Variants in TSC22D2 observed in about 807,000 individuals in gnomAD.
TSC22D2 encodes TSC22 domain family member 2.
Under a neutral mutation model 50.1 loss-of-function variants are expected in TSC22D2, and 5 were observed. That is an observed-to-expected ratio of 0.10 (90% CI 0.05 to 0.21). The LOEUF (loss-of-function observed/expected upper bound fraction) is 0.21. Ranked by LOEUF, TSC22D2 falls within the 10% of genes least tolerant of loss-of-function variation. The pLI is 1.00. For missense variants in TSC22D2, 1,003 were observed against 1,015.5 expected (o/e 0.99, Z 0.17); for synonymous variants, 501 against 450.1 (o/e 1.11, Z -1.43).
intron 1 of TSC22D2, 106 bp from the exon 2 acceptor site, chr3:150,456,970 C>T: frequency 1.1e-6 from 1 of 898,766 alleles, no homozygotes. Context: ...TTTTAAATTA[C>T]TGTATATTTG....
intron 1 of TSC22D2, among the ~76,000 whole-genome samples, chr3:150,449,730 G>C (rs1180982916): frequency 6.6e-6 from 1 of 152,074 alleles, no homozygotes; most frequent in Non-Finnish European, 1.5e-5. Flanking sequence ...TAAATTCCAA[G>C]ATGAATGATT....
At position 150,465,622 on chromosome 3, in the gene TSC22D2, C is replaced by T. The variant is rs753228433; in HGVS notation, c.*6986C>T. On this transcript the variant is annotated 3_prime_UTR_variant, in exon 3 of 3. Coordinates refer to ENST00000688009, the MANE Select transcript of TSC22D2 (RefSeq NM_001303264.2). ...GATGTCAATTGCACCTTTGCTTGTA[C>T]AGTAGACCCCCTTATCTGCATTTTC... 8 of 152,172 alleles carry T rather than the reference C, an allele frequency of 5.3e-5. No homozygotes were observed. The highest frequency in any genetic ancestry group is 9.7e-5 in the African/African-American group (4 of 41,448). 9.4% of individuals were successfully genotyped at this position (152,172 alleles called of 1,614,324 possible).
rs1719467837 is a variant in TSC22D2 at position 150,410,168 on chromosome 3, A to G, written c.818A>G (p.Gln273Arg). 1 of 1,609,738 alleles carries G rather than the reference A, an allele frequency of 6.2e-7. No individual in the cohort carries two copies. The highest frequency in any genetic ancestry group is 8.5e-7 in the Non-Finnish European group (1 of 1,178,874). ...CAGCCGCAGAGTTTTAGCGTTGGGC[A>G]GCCACAGCCGCCGCCGCCACCCGTA... Reference protein sequence around the residue: ...PAQPQSFSVGQPQPPPPPVGG... With the variant: ...PAQPQSFSVGRPQPPPPPVGG... Residue 273 changes from glutamine (Q) to arginine (R), a missense_variant, in exon 1 of 3, where the codon CAG becomes CGG. By Grantham distance (43) the Gln-to-Arg change is conservative. Coordinates refer to ENST00000688009, the MANE Select transcript of TSC22D2 (RefSeq NM_001303264.2).
intron 1 of TSC22D2, among the ~76,000 whole-genome samples, chr3:150,440,005 T>C (rs1720666234): frequency 6.6e-6 from 1 of 152,236 alleles, no homozygotes; most frequent in Admixed American, 6.5e-5. Context: ...GGCACTGTGC[T>C]GAATATTTTT....
chr3:150,445,182 C>T (rs1487118322), intron 1 of TSC22D2, among the ~76,000 whole-genome samples: 1 of 151,726 alleles, frequency 6.6e-6, no homozygotes, highest in Non-Finnish European at 1.5e-5. Context: ...TATTAATGTC[C>T]AGTCCACGGG....
Position 150,409,539 on chromosome 3 carries a change from C to G in TSC22D2, c.189C>G (p.Cys63Trp). ...CGGATTATGGCCCTGAGGAGGTCTG[C>G]GAGCGCAGCTCTTCCGAAGAGACGC... ...RATDYGPEEV[C>W]ERSSSEETLN... Residue 63 changes from cysteine to tryptophan, a missense_variant, in exon 1 of 3, where the codon TGC becomes TGG. Around this residue, in one of 6 missense-constraint regions of TSC22D2, gnomAD observed 200 missense variants for 182.8 expected, o/e 1.09. Transcript: ENST00000688009. This position sits in a 1 kb window ranked among gnomAD's most constrained non-coding sequence, Gnocchi z 7.4. The G allele has an allele frequency of 1.9e-6, 3 of 1,606,204 alleles. No homozygotes were observed. Among genetic ancestry groups the G allele is most frequent in the Non-Finnish European group, 2.6e-6 (3 of 1,173,982 alleles).
chr3:150,458,242 T>G, intron 2 of TSC22D2, 134 bp from the exon 3 acceptor site: 2 of 933,744 alleles, frequency 2.1e-6, no homozygotes, highest in Non-Finnish European at 1.6e-6. Flanking sequence ...ATAGGCTCGG[T>G]CAAGATAAAG....
At chr3:150,411,634 C>T (rs1719575561) in intron 1 of TSC22D2, among the ~76,000 whole-genome samples, 1 of 151,772 alleles carries the variant, frequency 6.6e-6, no homozygotes, top group Admixed American at 6.6e-5. Context: ...CCTTTTCTTA[C>T]ATATCAATCA....
intron 1 of TSC22D2, among the ~76,000 whole-genome samples, chr3:150,412,550 CACTG>C (rs908685078): frequency 1.6e-4 from 24 of 152,198 alleles, no homozygotes; most frequent in African/African-American, 5.8e-4. Flanking sequence ...GAAAAATACT[CACTG>C]ACTGAAATTC....
chr3:150,423,366 G>T (rs144848528), intron 1 of TSC22D2: 10 of 253,132 alleles, frequency 4.0e-5, no homozygotes, highest in Admixed American at 1.1e-4. Context: ...TTCATACTGT[G>T]TTGAATTTTT....
chr3:150,454,373 G>A (rs1389102613), intron 1 of TSC22D2, among the ~76,000 whole-genome samples: 1 of 152,222 alleles, frequency 6.6e-6, no homozygotes, highest in African/African-American at 2.4e-5. Flanking sequence ...AAAACAGACT[G>A]TATAAGGCAG....
At position 150,410,636 on chromosome 3, in the gene TSC22D2, C is replaced by G. The variant is rs753049902; in HGVS notation, c.1286C>G (p.Ala429Gly). 6.4e-7 allele frequency: 1 copy of G among 1,553,088 alleles called. No homozygotes were observed. Among genetic ancestry groups the G allele is most frequent in the Non-Finnish European group, 8.7e-7 (1 of 1,151,614 alleles). ...ASSVGAQLMG[A>G]SSQPSEAMAP... Reference sequence around the variant, plus strand: ...TCGGTGGGCGCGCAGCTCATGGGCGCGTCTTCCCAGCCCAGCGAAGCCATG... The same window carrying G: ...TCGGTGGGCGCGCAGCTCATGGGCGGGTCTTCCCAGCCCAGCGAAGCCATG... The change falls in exon 1 of 3, where the codon GCG becomes GGG. Residue 429 changes from alanine to glycine, a missense_variant. This residue lies in a region of TSC22D2 where 696 missense variants were observed against 647.8 expected (regional missense o/e 1.07). Transcript: ENST00000688009.
Position 150,462,626 on chromosome 3 carries a change from TTTTTTCTTTTTTC to T in TSC22D2, c.*3996_*4008del, listed in dbSNP as rs1240417902. On this transcript the variant is annotated 3_prime_UTR_variant, in exon 3 of 3. Coordinates refer to ENST00000688009, the MANE Select transcript of TSC22D2 (RefSeq NM_001303264.2). ...GTCAGGTATCAGGTGCCTATTTTCTTTTTTTCTTTTTTCTTTTTTTTTTTTTTTGAGACAGAGT... is the reference window on the plus strand; with the variant it reads ...GTCAGGTATCAGGTGCCTATTTTCTTTTTTTTTTTTTTTTTGAGACAGAGT... 2.1e-5 allele frequency: 2 copies of T among 93,454 alleles called. No homozygotes were observed. Among genetic ancestry groups the T allele is most frequent in the South Asian group, 4.7e-4 (1 of 2,108 alleles). The allele number at this position is 93,454 out of a possible 1,614,324, so 5.8% of individuals were successfully genotyped here.
Position 150,409,703 on chromosome 3 carries a change from C to G in TSC22D2, c.353C>G (p.Ala118Gly), listed in dbSNP as rs778393786. The change falls in exon 1 of 3, where the codon GCC becomes GGC. Residue 118 changes from alanine (A) to glycine (G), a missense_variant. Around this residue, in one of 6 missense-constraint regions of TSC22D2, gnomAD observed 200 missense variants for 182.8 expected, o/e 1.09. Transcript: ENST00000688009. This position sits in a 1 kb window ranked among gnomAD's most constrained non-coding sequence, Gnocchi z 7.4. ...GCCCGGAGCGTGTCTGGGGCGCTCG[C>G]CAGTACCCTGGCGGCGGCTGCCACT... ...VSARSVSGAL[A>G]STLAAAATSA... is the part of the protein sequence containing the mutation. 2 of 1,590,966 alleles carry G rather than the reference C, an allele frequency of 1.3e-6. No homozygotes were observed. The highest frequency in any genetic ancestry group is 3.4e-5 in the Admixed American group (2 of 58,006).
At chr3:150,415,376 G>A (rs1316077238) in intron 1 of TSC22D2, among the ~76,000 whole-genome samples, 1 of 152,140 alleles carries the variant, frequency 6.6e-6, no homozygotes, top group African/African-American at 2.4e-5. Context: ...GACTATTTTA[G>A]TAACACTTGT....
rs569883253 is a variant in TSC22D2 at position 150,444,204 on chromosome 3, G to A, written c.1959-12872G>A. Among the ~76,000 whole-genome samples, 352 of 148,302 alleles carry A rather than the reference G, an allele frequency of 2.4e-3. 1 individual carries two copies. Among genetic ancestry groups the A allele is most frequent in the African/African-American group, 8.1e-3 (334 of 41,302 alleles). On this transcript the variant is annotated intron_variant, in intron 1 of 2. Transcript: ENST00000688009. ...TGCCCATATTTTACTGTGTTCCAGC[G>A]ATACCCTTAATTAGTTTCTAATAGT...
intron 1 of TSC22D2, among the ~76,000 whole-genome samples, chr3:150,414,367 T>C (rs940811706): frequency 6.6e-6 from 1 of 152,164 alleles, no homozygotes; most frequent in Non-Finnish European, 1.5e-5. Context: ...CACTTAACAG[T>C]CTCCTGTAAA....
chr3:150,436,923 C>T (rs1311747190), intron 1 of TSC22D2, among the ~76,000 whole-genome samples: 5 of 152,126 alleles, frequency 3.3e-5, no homozygotes, highest in Non-Finnish European at 7.4e-5. Context: ...GAGATAGCTG[C>T]AGAGTTTCCT....
intron 1 of TSC22D2, among the ~76,000 whole-genome samples, chr3:150,417,705 C>T (rs1719864431): frequency 6.6e-6 from 1 of 152,072 alleles, no homozygotes; most frequent in African/African-American, 2.4e-5. Context: ...AAACGTGTAT[C>T]ACAGAAATGT....
Sources: gnomAD v4.1 joint callset for allele counts (sites outside exome capture counted in the v4.1 genomes callset) on GRCh38, gnomAD v4.1.1 for gene constraint, gnomAD v4.1.1 regional missense constraint, Gnocchi (gnomAD v3.1) non-coding constraint, MANE v1.5 for transcripts, NCBI Gene and HGNC (gene_info 2026-07-23, HGNC 2026-07-21) for gene names.